DSCAML1: variants seen among roughly 807,000 people sequenced by gnomAD.
The protein encoded by DSCAML1 is cell adhesion molecule DSCAML1.
A neutral mutation model predicts 200.5 loss-of-function variants in DSCAML1; 38 were observed. The observed-to-expected ratio is 0.19, with a 90% CI of 0.15 to 0.25. The LOEUF (loss-of-function observed/expected upper bound fraction) is 0.25, where lower values mean the gene tolerates loss of function less well. DSCAML1 is among the 10% of genes least tolerant of loss of function. DSCAML1 has a pLI of 1.00. For missense variants in DSCAML1, 2,223 were observed against 2,858.8 expected (o/e 0.78, Z 5.07); for synonymous variants, 1,215 against 1,165.0 (o/e 1.04, Z -0.87).
chr11:117,632,246 C>T (rs7929496), intron 3 of DSCAML1, among the ~76,000 whole-genome samples: 14,758 of 152,202 alleles, frequency 0.097, 792 homozygotes, highest in Middle Eastern at 0.13. Context: ...CAGAGGATAG[C>T]CACATGCGGT....
intron 3 of DSCAML1, among the ~76,000 whole-genome samples, chr11:117,647,509 C>A (rs1277621405): frequency 1.3e-5 from 2 of 152,196 alleles, no homozygotes; most frequent in Non-Finnish European, 2.9e-5. Flanking sequence ...TAGGTGTGAG[C>A]CACAGGTCAA....
Position 117,694,501 on chromosome 11 carries a change from C to T in DSCAML1, c.511+82290G>A, listed in dbSNP as rs140720163. The stretch of plus-strand genomic sequence containing the variant: ...TAGAGAGAAACTAAGGTTTATAGAG[C>T]GCCTACAATGTGCTATGCCCCCAGA... On this transcript the variant is annotated intron_variant, in intron 3 of 32. Coordinates refer to ENST00000651296, the MANE Select transcript of DSCAML1 (RefSeq NM_020693.4). Among the ~76,000 whole-genome samples, 304 of 152,250 alleles carry T rather than the reference C, an allele frequency of 2.0e-3. 1 individual carries two copies. The highest frequency in any genetic ancestry group is 6.7e-3 in the African/African-American group (280 of 41,550).
chr11:117,506,057 G>C (rs1374565255), intron 8 of DSCAML1, among the ~76,000 whole-genome samples: 1 of 152,102 alleles, frequency 6.6e-6, no homozygotes, highest in African/African-American at 2.4e-5. Context: ...GCTGCTCCTC[G>C]GCACCCCTGT....
At chr11:117,739,321 T>C (rs1347753260) in intron 3 of DSCAML1, among the ~76,000 whole-genome samples, 3 of 152,156 alleles carry the variant, frequency 2.0e-5, no homozygotes, top group Admixed American at 1.3e-4. Flanking sequence ...CTGTTAGAAA[T>C]GCAAATTCTT....
chr11:117,675,768 T>C (rs977155199), intron 3 of DSCAML1, among the ~76,000 whole-genome samples: 28 of 152,132 alleles, frequency 1.8e-4, no homozygotes, highest in African/African-American at 6.8e-4. Flanking sequence ...AGGCCGGCTA[T>C]TGACACCTGC....
intron 3 of DSCAML1, among the ~76,000 whole-genome samples, chr11:117,557,324 G>A (rs894146579): frequency 1.8e-4 from 28 of 152,160 alleles, no homozygotes; most frequent in African/African-American, 6.3e-4. Flanking sequence ...GAGACGTGGG[G>A]CTCTGAAGCC....
intron 3 of DSCAML1, among the ~76,000 whole-genome samples, chr11:117,570,068 AG>A: frequency 6.6e-6 from 1 of 152,078 alleles, no homozygotes; most frequent in Non-Finnish European, 1.5e-5. Context: ...CTTTCTGGGA[AG>A]CAGGAACGTG....
At chr11:117,540,588 T>A (rs896134334) in intron 3 of DSCAML1, among the ~76,000 whole-genome samples, 2 of 151,938 alleles carry the variant, frequency 1.3e-5, no homozygotes, top group Non-Finnish European at 2.9e-5. Context: ...TGAAAAAAAA[T>A]TTAAGTCAAG....
At chr11:117,597,602 C>T (rs2051386560) in intron 3 of DSCAML1, among the ~76,000 whole-genome samples, 1 of 152,200 alleles carries the variant, frequency 6.6e-6, no homozygotes. Flanking sequence ...GCGTGCATCA[C>T]CACATCCAGC....
intron 32 of DSCAML1, 28 bp from the exon 33 acceptor site, chr11:117,428,831 C>T (rs770951742): frequency 4.5e-6 from 7 of 1,554,176 alleles, no homozygotes; most frequent in Non-Finnish European, 6.1e-6. Flanking sequence ...GAGGATGTTA[C>T]AGAGAGTCAT....
intron 27 of DSCAML1, among the ~76,000 whole-genome samples, chr11:117,433,684 G>T (rs1478036447): frequency 6.6e-6 from 1 of 152,178 alleles, no homozygotes; most frequent in Non-Finnish European, 1.5e-5. Context: ...GCTCAAGTCT[G>T]TTTTCCTTTC....
At chr11:117,766,207 A>G (rs1280942075) in intron 3 of DSCAML1, among the ~76,000 whole-genome samples, 1 of 152,226 alleles carries the variant, frequency 6.6e-6, no homozygotes, top group Non-Finnish European at 1.5e-5. Context: ...TCTGGCTCTC[A>G]TTGATACACA....
At chr11:117,624,281 C>T (rs933860698) in intron 3 of DSCAML1, among the ~76,000 whole-genome samples, 8 of 152,056 alleles carry the variant, frequency 5.3e-5, no homozygotes, top group Admixed American at 1.3e-4. Flanking sequence ...GCCACCTCAG[C>T]GAGGCCTGCA....
chr11:117,658,880 G>A (rs2052785229), intron 3 of DSCAML1, among the ~76,000 whole-genome samples: 2 of 152,188 alleles, frequency 1.3e-5, no homozygotes, highest in Admixed American at 1.3e-4. Context: ...TTGGTTAACT[G>A]GGTGCCCCCA....
At chr11:117,816,807 G>GGGGGGGGGGGT (rs1555038476) in intron 1 of DSCAML1, among the ~76,000 whole-genome samples, 1 of 115,046 alleles carries the variant, frequency 8.7e-6, no homozygotes, top group Non-Finnish European at 2.0e-5. Flanking sequence ...CTGGGGGGGT[G>GGGGGGGGGGGT]GGGTGGAGAT....
intron 14 of DSCAML1, among the ~76,000 whole-genome samples, chr11:117,473,726 A>G (rs2048732351): frequency 6.6e-6 from 1 of 152,232 alleles, no homozygotes; most frequent in Non-Finnish European, 1.5e-5. Context: ...CACGAGCCAG[A>G]GAAACAAAAT....
intron 3 of DSCAML1, among the ~76,000 whole-genome samples, chr11:117,680,154 G>C (rs558298768): frequency 6.6e-6 from 1 of 152,178 alleles, no homozygotes; most frequent in African/African-American, 2.4e-5. Context: ...TGCCATCCAG[G>C]TTCCTTTCTC....
intron 20 of DSCAML1, among the ~76,000 whole-genome samples, chr11:117,446,950 A>G (rs1348766540): frequency 6.6e-6 from 1 of 152,228 alleles, no homozygotes; most frequent in African/African-American, 2.4e-5. Flanking sequence ...ATACAGAACA[A>G]TGGGAGACTG....
chr11:117,737,344 C>T (rs2054336363), intron 3 of DSCAML1, among the ~76,000 whole-genome samples: 1 of 152,206 alleles, frequency 6.6e-6, no homozygotes, highest in Admixed American at 6.5e-5. Context: ...GCATCTGGTC[C>T]ATCTGATGTT....
Sources: allele counts gnomAD v4.1 joint callset (sites outside exome capture counted in the v4.1 genomes callset), GRCh38; gene constraint gnomAD v4.1.1; transcripts MANE v1.5; gene names NCBI Gene and HGNC (gene_info 2026-07-23, HGNC 2026-07-21).